The following HIP1 variants were observed in gnomAD, a reference collection of about 807,000 sequenced individuals.
HIP1 encodes huntingtin-interacting protein 1.
In HIP1, 65 loss-of-function variants were observed where a neutral mutation model predicts 147.6. The ratio of observed to expected loss-of-function variants is 0.44; its 90% CI spans 0.36 to 0.54. The LOEUF is 0.54. Among genes scored for constraint, HIP1 ranks in the 20% least tolerant of loss-of-function variants. The pLI, the probability that HIP1 is intolerant of heterozygous loss-of-function variation, is 0.00. For synonymous variants in HIP1, 479 were observed against 504.0 expected, an observed-to-expected ratio of 0.95 and a Z score of 0.67; for missense variants, 1,061 against 1,299.6, an observed-to-expected ratio of 0.82 and a Z score of 2.82.
chr7:75,571,690 C>G (rs1795640390), intron 8 of HIP1, among the ~76,000 whole-genome samples: 2 of 152,152 alleles, frequency 1.3e-5, no homozygotes, highest in Admixed American at 1.3e-4. Flanking sequence ...TCAAGCGATC[C>G]TCTCGCCTTA....
intron 2 of HIP1, among the ~76,000 whole-genome samples, chr7:75,598,118 G>A (rs188773688): frequency 1.3e-5 from 2 of 152,302 alleles, no homozygotes; most frequent in Non-Finnish European, 2.9e-5. Context: ...CTGAAGCTAA[G>A]ACTTTCTTTT....
intron 1 of HIP1, among the ~76,000 whole-genome samples, chr7:75,658,873 G>A (rs376394533): frequency 6.6e-6 from 1 of 152,102 alleles, no homozygotes; most frequent in Admixed American, 6.6e-5. Flanking sequence ...CAGTGTGGGT[G>A]ACAGAGTGAG....
At chr7:75,641,492 G>GTT (rs111549394) in intron 1 of HIP1, among the ~76,000 whole-genome samples, 94 of 147,664 alleles carry the variant, frequency 6.4e-4, no homozygotes, top group African/African-American at 2.0e-3. Context: ...CTCCTTGTTT[G>GTT]CTTTTTTTTT....
intron 1 of HIP1, among the ~76,000 whole-genome samples, chr7:75,614,507 G>C (rs1187205329): frequency 8.0e-6 from 1 of 125,688 alleles, no homozygotes; most frequent in African/African-American, 2.6e-5. Flanking sequence ...GAAGTGCTCA[G>C]AATGGGCAGA....
At chr7:75,737,281 C>G (rs549188699) in intron 1 of HIP1, among the ~76,000 whole-genome samples, 4 of 151,828 alleles carry the variant, frequency 2.6e-5, no homozygotes, top group Admixed American at 6.6e-5. Flanking sequence ...AGGTGGGGGG[C>G]CAAAGGTTTT....
chr7:75,578,350 C>A (rs1795917017), intron 7 of HIP1, among the ~76,000 whole-genome samples: 1 of 152,124 alleles, frequency 6.6e-6, no homozygotes, highest in Non-Finnish European at 1.5e-5. Context: ...AAGAATCTCA[C>A]TCACGCCTGC....
At chr7:75,701,274 A>T (rs958769055) in intron 1 of HIP1, among the ~76,000 whole-genome samples, 1 of 152,078 alleles carries the variant, frequency 6.6e-6, no homozygotes, top group Non-Finnish European at 1.5e-5. Context: ...CCCACCTTTA[A>T]TCTCAGCCAC....
intron 1 of HIP1, among the ~76,000 whole-genome samples, chr7:75,641,692 T>C (rs994506599): frequency 2.7e-5 from 4 of 150,932 alleles, no homozygotes; most frequent in Non-Finnish European, 4.4e-5. Context: ...AGACGGGGTT[T>C]CTCCATGTTG....
intron 1 of HIP1, among the ~76,000 whole-genome samples, chr7:75,732,579 C>T (rs1294950514): frequency 6.6e-6 from 1 of 152,092 alleles, no homozygotes; most frequent in Non-Finnish European, 1.5e-5. Flanking sequence ...CAGGGTCTCG[C>T]TATGTTGCCC....
intron 1 of HIP1, among the ~76,000 whole-genome samples, chr7:75,643,921 C>T (rs1798725528): frequency 6.6e-6 from 1 of 152,016 alleles, no homozygotes; most frequent in African/African-American, 2.4e-5. Flanking sequence ...AATCACTTGG[C>T]CCTGGGAGGC....
At chr7:75,627,370 T>C (rs1319515013) in intron 1 of HIP1, among the ~76,000 whole-genome samples, 2 of 152,104 alleles carry the variant, frequency 1.3e-5, no homozygotes, top group East Asian at 3.9e-4. Flanking sequence ...CTCTATAGAA[T>C]AAAGAACCCA....
At chr7:75,549,064 C>CT in intron 22 of HIP1, 63 bp from the exon 23 acceptor site, 2 of 1,191,004 alleles carry the variant, frequency 1.7e-6, no homozygotes, top group Non-Finnish European at 2.5e-6. Flanking sequence ...CCTCTGCCAT[C>CT]TGTAACCCTT....
At chr7:75,711,663 G>A (rs549947419) in intron 1 of HIP1, among the ~76,000 whole-genome samples, 2 of 152,340 alleles carry the variant, frequency 1.3e-5, no homozygotes, top group African/African-American at 4.8e-5. Context: ...ATGGAAACCA[G>A]AGGAGAGGAT....
intron 5 of HIP1, among the ~76,000 whole-genome samples, chr7:75,583,044 T>C (rs1214981502): frequency 1.3e-5 from 2 of 152,020 alleles, no homozygotes; most frequent in African/African-American, 2.4e-5. Flanking sequence ...CACACCAGCA[T>C]CTCCCTCTCT....
chr7:75,595,257 TTCCTTCCTTCCTTCCTTCCTTCCTTC>T lies in HIP1; in HGVS notation c.185-2769_185-2744del, dbSNP rs1796680779. ...CTTTCTTTCTTTCTTTCTTTCTTCC[TTCCTTCCTTCCTTCCTTCCTTCCTTC>T]CTTTCTTTCTTTCTCTCTCTCCCTT... On this transcript the variant is annotated intron_variant, in intron 2 of 30. Coordinates refer to ENST00000336926, the MANE Select transcript of HIP1 (RefSeq NM_005338.7). Among the ~76,000 whole-genome samples the T allele has an allele frequency of 3.3e-5, 4 of 119,702 alleles. No individual in the cohort carries two copies. In the South Asian group the frequency reaches 1.1e-3, roughly 32 times the overall value. 78.5% of individuals were successfully genotyped at this position (119,702 alleles called of 152,430 possible).
At chr7:75,636,024 C>CAAAAA (rs34434184) in intron 1 of HIP1, among the ~76,000 whole-genome samples, 1 of 53,708 alleles carries the variant, frequency 1.9e-5, no homozygotes, top group African/African-American at 9.0e-5. Context: ...GACCCTGTCT[C>CAAAAA]AAAAAAAAAA....
At chr7:75,586,669 A>G in intron 5 of HIP1, 84 bp downstream of exon 5, 1 of 831,030 alleles carries the variant, frequency 1.2e-6, no homozygotes, top group Non-Finnish European at 2.1e-6. Flanking sequence ...TACCTGAAAG[A>G]GCTGACAAAT....
At chr7:75,659,305 G>A (rs568208917) in intron 1 of HIP1, among the ~76,000 whole-genome samples, 1 of 152,300 alleles carries the variant, frequency 6.6e-6, no homozygotes, top group African/African-American at 2.4e-5. Flanking sequence ...AATGCCCATT[G>A]CCAGACATGC....
chr7:75,548,783 G>T (rs782085516), intron 23 of HIP1, 108 bp downstream of exon 23: 12 of 850,492 alleles, frequency 1.4e-5, no homozygotes, highest in Non-Finnish European at 2.4e-5. Context: ...TTCTGTCTTA[G>T]GGGGTTGCCA....
Sources: allele counts gnomAD v4.1 joint callset (sites outside exome capture counted in the v4.1 genomes callset), GRCh38; gene constraint gnomAD v4.1.1; transcripts MANE v1.5; gene names NCBI Gene and HGNC (gene_info 2026-07-23, HGNC 2026-07-21).